Variants in DOCK6 observed in about 807,000 individuals in gnomAD.
The protein encoded by DOCK6 is dedicator of cytokinesis protein 6.
DOCK6 carries 167 observed loss-of-function variants against 230.3 expected under a neutral mutation model. The ratio of observed to expected loss-of-function variants is 0.73; its 90% confidence interval spans 0.64 to 0.82. The LOEUF (loss-of-function observed/expected upper bound fraction) is 0.82. Among genes scored for constraint, DOCK6 ranks in the 40% least tolerant of loss-of-function variants. DOCK6 has a pLI of 0.00. For synonymous variants in DOCK6, 1,148 were observed against 1,185.0 expected (o/e 0.97, Z 0.64); for missense variants, 2,598 against 2,825.8 (o/e 0.92, Z 1.83).
chr19:11,208,799 C>G lies in DOCK6; in HGVS notation c.4975G>C (p.Ala1659Pro). Residue 1659 changes from alanine (A) to proline (P), a missense_variant, in exon 39 of 48, where the codon GCC becomes CCC. Transcript: ENST00000294618. ...GGCGACAGGATGTCGTCGGAGATGG[C>G]GGACTCCTCTAGCACGTTGGATGAG... is the stretch of plus-strand genomic sequence containing the variant. ...NISSNVLEES[A>P]ISDDILSPDE... The G allele has an allele frequency of 6.2e-7, 1 of 1,613,698 alleles. No individual in the cohort carries two copies. The highest frequency in any genetic ancestry group is 8.5e-7 in the Non-Finnish European group (1 of 1,179,722).
In DOCK6 at chr19:11,242,131, C is replaced by A; in HGVS notation, c.1557G>T (p.Lys519Asn). The A allele has an allele frequency of 6.6e-7, 1 of 1,506,084 alleles. No individual in the cohort carries two copies. 93.3% of individuals were successfully genotyped at this position (1,506,084 alleles called of 1,614,324 possible). ...GCCGGCCCCTGGGGTCCGGGTAGGG[C>A]TTGATATGAAGCAGCTCAGGGGAGA... The part of the protein sequence containing the change: ...FCLSPELLHI[K>N]PYPDPRGRPT... Residue 519 changes from lysine (K) to asparagine (N), a missense_variant, in exon 14 of 48, where the codon AAG becomes AAT. Physicochemically the swap from Lys to Asn is moderately conservative, Grantham distance 94. Transcript: ENST00000294618.
At chr19:11,205,150 G>C (rs906452051) in intron 39 of DOCK6, among the ~76,000 whole-genome samples, 1 of 152,204 alleles carries the variant, frequency 6.6e-6, no homozygotes. Flanking sequence ...CTGACTGTCA[G>C]AAGGCCTGTG....
In DOCK6 at chr19:11,211,820, C is replaced by T; in HGVS notation, c.4707G>A (p.Lys1569=). 6.4e-7 allele frequency: 1 copy of T among 1,552,366 alleles called. No individual in the cohort carries two copies. The highest frequency in any genetic ancestry group is 8.7e-7 in the Non-Finnish European group (1 of 1,147,336). Residue 1569 remains lysine (K), a synonymous_variant, in exon 37 of 48, where the codon AAG becomes AAA. Coordinates refer to ENST00000294618, the MANE Select transcript of DOCK6 (RefSeq NM_020812.4). Reference sequence around the variant, plus strand: ...GCATCTCAGGGTCCTCCTGGTGTTCCTTCATCTTCACCGTGTCCGTCAGGA... The same window carrying T: ...GCATCTCAGGGTCCTCCTGGTGTTCTTTCATCTTCACCGTGTCCGTCAGGA... ...HMILTDTVKM[K]EHQEDPEMLI...
chr19:11,199,391 T>G lies in DOCK6; in HGVS notation c.*106A>C. Reference sequence around the variant, plus strand: ...AGAGGGCCCAGCCCCAAGTACAGTGTGGTCACCCCACAGCCCAGTGGGCAC... The same window carrying G: ...AGAGGGCCCAGCCCCAAGTACAGTGGGGTCACCCCACAGCCCAGTGGGCAC... On this transcript the variant is annotated 3_prime_UTR_variant, in exon 48 of 48. Coordinates refer to ENST00000294618, the MANE Select transcript of DOCK6 (RefSeq NM_020812.4). 3.7e-6 allele frequency: 5 copies of G among 1,342,696 alleles called. No individual in the cohort carries two copies. Among genetic ancestry groups the G allele is most frequent in the Non-Finnish European group, 5.2e-6 (5 of 957,660 alleles). 83.2% of individuals were successfully genotyped at this position (1,342,696 alleles called of 1,614,324 possible). A position where few individuals can be genotyped will look rare whatever the true frequency, so the allele number is the denominator to read the frequency against.
chr19:11,253,529 C>A (rs763573362), intron 2 of DOCK6, 110 bp downstream of exon 2: 2 of 699,188 alleles, frequency 2.9e-6, no homozygotes, highest in South Asian at 3.3e-5. Flanking sequence ...CGGTTTCCCC[C>A]CAGGACAGGC....
At chr19:11,199,687 T>G (rs1386170282) in intron 47 of DOCK6, 148 bp from the exon 48 acceptor site, 1 of 850,900 alleles carries the variant, frequency 1.2e-6, no homozygotes, top group Non-Finnish European at 1.9e-6. Flanking sequence ...TGTGGGATTC[T>G]CCGATTCTCT....
chr19:11,243,179 T>G lies in DOCK6; in HGVS notation c.1387-27A>C, dbSNP rs765895919. 3 of 1,613,020 alleles carry G rather than the reference T, an allele frequency of 1.9e-6. No homozygotes were observed. Among genetic ancestry groups the G allele is most frequent in the South Asian group, 1.1e-5 (1 of 91,072 alleles). On this transcript the variant is annotated intron_variant, in intron 12 of 47. Transcript: ENST00000294618. The surrounding 1 kb of genome is among the most constrained non-coding windows in gnomAD (Gnocchi z 6.3). ...TACATGGGACCCACTCCCGTCAGCC[T>G]GGGCCAGGGGGCTAGGGGTCCCCAG...
chr19:11,241,839 G>A (rs774142459), intron 14 of DOCK6: 14 of 1,375,902 alleles, frequency 1.0e-5, no homozygotes, highest in South Asian at 1.3e-5. Context: ...AGACGCAGGC[G>A]GGGACAAAGG....
At chr19:11,218,873 AC>A (rs2079535797) in intron 28 of DOCK6, among the ~76,000 whole-genome samples, 2 of 114,898 alleles carry the variant, frequency 1.7e-5, no homozygotes, top group South Asian at 2.7e-4. Context: ...AAAAAAAATC[AC>A]TTTTTTTTTT....
At chr19:11,223,289 C>G (rs534735492) in intron 24 of DOCK6, among the ~76,000 whole-genome samples, 183 bp from the exon 25 acceptor site, 1 of 152,282 alleles carries the variant, frequency 6.6e-6, no homozygotes, top group South Asian at 2.1e-4. Context: ...CCCTCCCATG[C>G]TCCTTAAGAC....
At chr19:11,215,982 C>G in intron 30 of DOCK6, 55 bp from the exon 31 acceptor site, 1 of 1,604,878 alleles carries the variant, frequency 6.2e-7, no homozygotes. Flanking sequence ...TCGGGGGGAC[C>G]TGGGCTGGCC....
rs762791069 is a variant in DOCK6, at chr19:11,245,696, T to C, written c.890A>G (p.Tyr297Cys). 8 of 1,604,768 alleles carry C rather than the reference T, an allele frequency of 5.0e-6. No homozygotes were observed. The African/African-American group carries it at 8.0e-5, about 16-fold the overall frequency. The change falls in exon 9 of 48, where the codon TAC (tyrosine) becomes TGC (cysteine). Residue 297 changes from tyrosine to cysteine, a missense_variant. Tyr to Cys is a radical substitution (Grantham distance 194). Coordinates refer to ENST00000294618, the MANE Select transcript of DOCK6 (RefSeq NM_020812.4). ...REKKKISENF[Y>C]FDLNSDSMKG... ...CATGGAGTCCGAGTTCAGGTCGAAG[T>C]AGAAGTTCTCCGAGATCTGGGGACA...
rs1443057437 is a variant in DOCK6, at chr19:11,202,993, C to T, written c.5236-284G>A. On this transcript the variant is annotated intron_variant, in intron 41 of 47. Coordinates refer to ENST00000294618, the MANE Select transcript of DOCK6 (RefSeq NM_020812.4). This position sits in a 1 kb window ranked among gnomAD's most constrained non-coding sequence, Gnocchi z 5.3. ...TGGCTGAGGAGAGGGATGGCTGTCT[C>T]TCACTCTAGGATGGAGGCTCTGCCT... 6.6e-6 allele frequency among the ~76,000 whole-genome samples: 1 copy of T among 152,192 alleles called. No individual in the cohort carries two copies. Among genetic ancestry groups the T allele is most frequent in the Non-Finnish European group, 1.5e-5 (1 of 68,028 alleles).
Position 11,202,041 on chromosome 19 carries a change from C to T in DOCK6, c.5536G>A (p.Gly1846Arg), listed in dbSNP as rs1294528648. The change falls in exon 44 of 48, where the codon GGG (glycine) becomes AGG (arginine). Residue 1846 changes from glycine to arginine, a missense_variant. Physicochemically the swap from Gly to Arg is moderately radical, Grantham distance 125 (BLOSUM62 -2). Transcript: ENST00000294618. This position sits in a 1 kb window ranked among gnomAD's most constrained non-coding sequence, Gnocchi z 5.3. ...GTGCAGAACAGGAATGTGCGAAGCC[C>T]ATAGTTGCGGTCAAAGTAGGTCACC... ...DRVTYFDRNY[G>R]LRTFLFCTPF... 2 of 1,614,042 alleles carry T rather than the reference C, an allele frequency of 1.2e-6. No homozygotes were observed. The highest frequency in any genetic ancestry group is 1.7e-6 in the Non-Finnish European group (2 of 1,179,912).
intron 24 of DOCK6, among the ~76,000 whole-genome samples, chr19:11,226,659 A>AG (rs1272981755): frequency 2.0e-5 from 3 of 152,240 alleles, no homozygotes; most frequent in Non-Finnish European, 4.4e-5. Context: ...ACTCTGTCTC[A>AG]GAAAAAAAAC....
chr19:11,213,169 C>G lies in DOCK6; in HGVS notation c.4491+7G>C, dbSNP rs545781821. 27 of 1,610,040 alleles carry G rather than the reference C, an allele frequency of 1.7e-5. No individual in the cohort carries two copies. The East Asian group carries it at 2.2e-4, about 13-fold the overall frequency. ...TGTGTGGACCATGCCTCCTAGCCCCCACTCACGTGGCCGATCTCGAAGTTC... is the reference window on the plus strand; with the variant it reads ...TGTGTGGACCATGCCTCCTAGCCCCGACTCACGTGGCCGATCTCGAAGTTC... On this transcript the variant is annotated splice_region_variant and intron_variant, in intron 35 of 47. Transcript: ENST00000294618.
chr19:11,233,492 A>T, intron 21 of DOCK6, 126 bp from the exon 22 acceptor site: 1 of 1,216,446 alleles, frequency 8.2e-7, no homozygotes, highest in Non-Finnish European at 1.1e-6. Context: ...CTCATCTATA[A>T]AATAGGCATA....
chr19:11,209,323 C>A (rs1471700444), intron 37 of DOCK6, among the ~76,000 whole-genome samples: 2 of 151,628 alleles, frequency 1.3e-5, no homozygotes, highest in Non-Finnish European at 2.9e-5. Context: ...TACCTGCTGG[C>A]CAGTCATCTG....
Position 11,222,133 on chromosome 19 carries a change from A to G in DOCK6, c.3356T>C (p.Leu1119Pro), listed in dbSNP as rs767165343. 1 of 1,613,172 alleles carries G rather than the reference A, an allele frequency of 6.2e-7. No individual in the cohort carries two copies. Among genetic ancestry groups the G allele is most frequent in the Non-Finnish European group, 8.5e-7 (1 of 1,179,610 alleles). Residue 1119 changes from leucine (L) to proline (P), a missense_variant, in exon 27 of 48, where the codon CTG becomes CCG. Transcript: ENST00000294618. This position sits in a 1 kb window ranked among gnomAD's most constrained non-coding sequence, Gnocchi z 4.0. ...CCCTTCAGCCTCAGGTTCGAGGGCC[A>G]GTGCCAGCTCCGTCAGCAGGAGCCC... ...LAGLLLTELA[L>P]ALEPEAEGAF... is the part of the protein sequence containing the mutation.
Sources: allele counts gnomAD v4.1 joint callset (sites outside exome capture counted in the v4.1 genomes callset), GRCh38; gene constraint gnomAD v4.1.1; non-coding constraint Gnocchi (gnomAD v3.1); transcripts MANE v1.5; gene names NCBI Gene and HGNC (gene_info 2026-07-23, HGNC 2026-07-21).